TTLL11: variants seen among roughly 807,000 people sequenced by gnomAD.
TTLL11 encodes the protein tubulin polyglutamylase TTLL11.
In TTLL11, 42 loss-of-function variants were observed where a neutral mutation model predicts 51.7. That is an observed-to-expected ratio of 0.81 (90% CI 0.64 to 1.05). TTLL11 has a LOEUF of 1.05. Ranked by LOEUF, TTLL11 falls within the 50% of genes least tolerant of loss-of-function variation. TTLL11 has a pLI of 0.00. For missense variants in TTLL11, 799 were observed against 940.4 expected (o/e 0.85, Z 1.97); for synonymous variants, 381 against 383.5 (o/e 0.99, Z 0.08).
intron 8 of TTLL11, among the ~76,000 whole-genome samples, chr9:121,831,699 C>CAAAAAAA (rs35519622): frequency 9.0e-5 from 12 of 133,418 alleles, no homozygotes; most frequent in African/African-American, 3.1e-4. Context: ...GACTCTGTCT[C>CAAAAAAA]AAAAAAAAAA....
At chr9:121,870,129 C>T (rs1304941002) in intron 7 of TTLL11, among the ~76,000 whole-genome samples, 1 of 152,192 alleles carries the variant, frequency 6.6e-6, no homozygotes, top group Non-Finnish European at 1.5e-5. Context: ...TCTGTTGTGG[C>T]TTCACGAACG....
In TTLL11 at chr9:121,822,679, G is replaced by T; in HGVS notation, c.2041C>A (p.Pro681Thr). ...CCTGCTGGCTGGGCCGAGGGGGAGG[G>T]CTCCTGGGGAGGGCCACGGTGTGGG... The part of the protein sequence containing the change: ...RPPHRGPPQE[P>T]SPSAQPAGDN... The change falls in exon 9 of 9, where the codon CCC becomes ACC. Residue 681 changes from proline (P) to threonine (T), a missense_variant. Physicochemically the swap from Pro to Thr is conservative, Grantham distance 38. Transcript: ENST00000321582. The surrounding 1 kb of genome is among the most constrained non-coding windows in gnomAD (Gnocchi z 5.8). The T allele has an allele frequency of 6.5e-7, 1 of 1,545,726 alleles. No individual in the cohort carries two copies. Among genetic ancestry groups the T allele is most frequent in the Non-Finnish European group, 8.7e-7 (1 of 1,145,126 alleles).
At chr9:121,864,559 G>A (rs1322574368) in intron 7 of TTLL11, among the ~76,000 whole-genome samples, 2 of 152,188 alleles carry the variant, frequency 1.3e-5, no homozygotes, top group Admixed American at 6.5e-5. Flanking sequence ...TCTACATTAG[G>A]AAATTTCGAT....
intron 1 of TTLL11, among the ~76,000 whole-genome samples, chr9:122,069,989 TCACACACACA>T (rs144009501): frequency 3.4e-5 from 5 of 148,728 alleles, no homozygotes; most frequent in Non-Finnish European, 6.0e-5. Context: ...GCATAGAGAA[TCACACACACA>T]CACACACACA....
intron 1 of TTLL11, among the ~76,000 whole-genome samples, chr9:122,071,604 C>G (rs1024505361): frequency 5.3e-5 from 8 of 152,162 alleles, no homozygotes; most frequent in Non-Finnish European, 8.8e-5. Flanking sequence ...TGCCGCCCCC[C>G]AGCCCAGCCC....
intron 8 of TTLL11, among the ~76,000 whole-genome samples, chr9:121,829,758 T>C (rs1331327251): frequency 6.7e-6 from 1 of 148,244 alleles, no homozygotes; most frequent in Admixed American, 6.8e-5. Context: ...ATGCTCGTTG[T>C]TGATAATAAT....
intron 3 of TTLL11, among the ~76,000 whole-genome samples, chr9:122,020,675 A>G (rs1187362859): frequency 1.3e-5 from 2 of 152,238 alleles, no homozygotes; most frequent in East Asian, 3.8e-4. Flanking sequence ...TGGTTTTAAG[A>G]GGTAGGCTCT....
At chr9:121,837,577 C>T (rs1414537832) in intron 8 of TTLL11, among the ~76,000 whole-genome samples, 1 of 152,104 alleles carries the variant, frequency 6.6e-6, no homozygotes, top group Admixed American at 6.5e-5. Flanking sequence ...ATTAATGCTC[C>T]CAGCTTGTCA....
intron 8 of TTLL11, among the ~76,000 whole-genome samples, chr9:121,829,866 T>A (rs1836946119): frequency 6.6e-6 from 1 of 151,730 alleles, no homozygotes; most frequent in African/African-American, 2.4e-5. Flanking sequence ...CTGAGGTCAC[T>A]GGTTCTGGGA....
chr9:121,929,890 C>T (rs183551075), intron 6 of TTLL11, among the ~76,000 whole-genome samples: 124 of 152,202 alleles, frequency 8.1e-4, no homozygotes, highest in African/African-American at 2.9e-3. Flanking sequence ...CTTTGATGTT[C>T]GGAAGGAAGA....
rs549532702 is a variant in TTLL11, at chr9:122,092,598, C to T, written c.462+89G>A. 2.7e-6 allele frequency: 4 copies of T among 1,498,314 alleles called. No homozygotes were observed. The Admixed American group carries it at 8.7e-5, about 33-fold the overall frequency. The allele number at this position is 1,498,314 out of a possible 1,614,324, so 92.8% of individuals were successfully genotyped here. On this transcript the variant is annotated intron_variant, in intron 1 of 8. Coordinates refer to ENST00000321582, the MANE Select transcript of TTLL11 (RefSeq NM_001139442.2). The stretch of plus-strand genomic sequence containing the variant: ...GCACCGCAGGAGCTCAGCCCTCGCC[C>T]GCCGACCTGACCTGGGCCGTGCCGA...
At chr9:121,943,792 C>T (rs1034613283) in intron 6 of TTLL11, among the ~76,000 whole-genome samples, 1 of 152,204 alleles carries the variant, frequency 6.6e-6, no homozygotes, top group Non-Finnish European at 1.5e-5. Context: ...TGCCTACCTA[C>T]CTCCTTTGAA....
intron 1 of TTLL11, among the ~76,000 whole-genome samples, chr9:122,086,874 T>C (rs1846141696): frequency 6.6e-6 from 1 of 152,266 alleles, no homozygotes; most frequent in South Asian, 2.1e-4. Flanking sequence ...AGGCTACTGT[T>C]TGAACCCTGA....
At chr9:121,953,545 T>C (rs1343211055) in intron 6 of TTLL11, among the ~76,000 whole-genome samples, 1 of 145,504 alleles carries the variant, frequency 6.9e-6, no homozygotes, top group Non-Finnish European at 1.5e-5. Flanking sequence ...GGCATAAGAG[T>C]TGCCTGAACC....
chr9:121,940,613 C>G (rs955990321), intron 6 of TTLL11, among the ~76,000 whole-genome samples: 1 of 152,148 alleles, frequency 6.6e-6, no homozygotes, highest in Non-Finnish European at 1.5e-5. Flanking sequence ...GCTGGGATTA[C>G]AGGCATGAGC....
intron 3 of TTLL11, among the ~76,000 whole-genome samples, chr9:122,025,988 T>C (rs969814323): frequency 6.6e-6 from 1 of 152,166 alleles, no homozygotes; most frequent in Non-Finnish European, 1.5e-5. Flanking sequence ...CAAATATGGA[T>C]GAATCTCAAA....
At chr9:121,934,115 C>A (rs1442262650) in intron 6 of TTLL11, among the ~76,000 whole-genome samples, 1 of 152,018 alleles carries the variant, frequency 6.6e-6, no homozygotes. Flanking sequence ...TACATGTAAT[C>A]CCAGCTACTT....
chr9:122,081,803 G>C (rs1231818248), intron 1 of TTLL11, among the ~76,000 whole-genome samples: 2 of 151,940 alleles, frequency 1.3e-5, no homozygotes, highest in Admixed American at 6.6e-5. Flanking sequence ...TAACCAACAG[G>C]GGGAAATATT....
chr9:121,880,731 G>C (rs1203442883), intron 6 of TTLL11, among the ~76,000 whole-genome samples: 1 of 152,208 alleles, frequency 6.6e-6, no homozygotes, highest in African/African-American at 2.4e-5. Flanking sequence ...GTACGCAGTA[G>C]GTGCTTAAAA....
Sources: allele counts gnomAD v4.1 joint callset (sites outside exome capture counted in the v4.1 genomes callset), GRCh38; gene constraint gnomAD v4.1.1; non-coding constraint Gnocchi (gnomAD v3.1); transcripts MANE v1.5; gene names NCBI Gene and HGNC (gene_info 2026-07-23, HGNC 2026-07-21).